The following TTC7B variants were observed in gnomAD, a reference collection of about 807,000 sequenced individuals.
The protein encoded by TTC7B is tetratricopeptide repeat domain 7B, also known as tetratricopeptide repeat protein 7B.
Under a neutral mutation model 106.8 loss-of-function variants are expected in TTC7B, and 28 were observed. That is an observed-to-expected ratio of 0.26 (90% CI 0.19 to 0.36). The LOEUF is 0.36. TTC7B is among the 10% of genes least tolerant of loss of function. The probability of loss-of-function intolerance (pLI) is 1.00; values close to 1 mark genes in which losing one functional copy is unlikely to be tolerated. For missense variants in TTC7B, 862 were observed against 1,076.4 expected (o/e 0.80, Z 2.79); for synonymous variants, 405 against 430.6 (o/e 0.94, Z 0.74).
chr14:90,692,524 C>T (rs145909765), intron 6 of TTC7B, among the ~76,000 whole-genome samples: 46 of 152,292 alleles, frequency 3.0e-4, no homozygotes, highest in South Asian at 1.0e-3. Context: ...AACTTTCTAA[C>T]GTCCAATGTA....
At chr14:90,691,618 G>C (rs1456555642) in intron 6 of TTC7B, among the ~76,000 whole-genome samples, 1 of 152,118 alleles carries the variant, frequency 6.6e-6, no homozygotes, top group African/African-American at 2.4e-5. Flanking sequence ...GTGGGAAGTG[G>C]GCCTGAAATA....
chr14:90,646,928 T>G (rs960424395), intron 14 of TTC7B, 23 bp downstream of exon 14: 3 of 1,602,924 alleles, frequency 1.9e-6, no homozygotes, highest in African/African-American at 1.3e-5. Context: ...GCAGCAAGTA[T>G]AGGAAACATT....
chr14:90,553,442 C>T (rs540463726), intron 19 of TTC7B, among the ~76,000 whole-genome samples: 12 of 152,348 alleles, frequency 7.9e-5, no homozygotes, highest in East Asian at 1.9e-4. Flanking sequence ...CTCGGCTCTC[C>T]GATGCACAGC....
rs906946655 is a variant in TTC7B at position 90,742,110 on chromosome 14, A to G, written c.576+2682T>C. Among the ~76,000 whole-genome samples the G allele has an allele frequency of 2.0e-5, 3 of 152,006 alleles. No individual in the cohort carries two copies. The highest frequency in any genetic ancestry group is 6.6e-5 in the Admixed American group (1 of 15,246). ...TTTTTAAGTGCAGTGGTACAATCAT[A>G]GCTCACTGCAACCTCGAACTTCTGG... On this transcript the variant is annotated intron_variant, in intron 4 of 19. Transcript: ENST00000328459. The surrounding 1 kb of genome is among the most constrained non-coding windows in gnomAD (Gnocchi z 4.1).
At position 90,531,606 on chromosome 14, in the gene TTC7B, C is replaced by A. The variant is rs573540338; in HGVS notation, c.*9762G>T. 1 of 126,702 alleles carries A rather than the reference C, an allele frequency of 7.9e-6. No homozygotes were observed. Among genetic ancestry groups the A allele is most frequent in the Non-Finnish European group, 1.6e-5 (1 of 64,168 alleles). The allele number at this position is 126,702 out of a possible 1,614,324, so 7.8% of individuals were successfully genotyped here. On this transcript the variant is annotated 3_prime_UTR_variant, in exon 20 of 20. Transcript: ENST00000328459. ...TGCGCTCCAGCCTGGACAACAAGAG[C>A]GAAACTCCTTCTCAAAAAAAAAAAA...
At chr14:90,603,814 T>G (rs1012231254) in intron 17 of TTC7B, among the ~76,000 whole-genome samples, 4 of 152,180 alleles carry the variant, frequency 2.6e-5, no homozygotes, top group Non-Finnish European at 5.9e-5. Context: ...AATTCTGCAT[T>G]TGTCAGTATG....
intron 2 of TTC7B, among the ~76,000 whole-genome samples, chr14:90,781,734 C>T (rs1401509178): frequency 6.6e-6 from 1 of 152,042 alleles, no homozygotes; most frequent in Non-Finnish European, 1.5e-5. Context: ...CTCACTGAGC[C>T]ATTGAAGTTT....
At chr14:90,590,567 G>A (rs1891913028) in intron 18 of TTC7B, among the ~76,000 whole-genome samples, 1 of 152,188 alleles carries the variant, frequency 6.6e-6, no homozygotes, top group African/African-American at 2.4e-5. Context: ...TGGCAGTATT[G>A]TGGGAGCTGA....
chr14:90,802,123 C>T lies in TTC7B; in HGVS notation c.121+14052G>A, dbSNP rs2030312014. Among the ~76,000 whole-genome samples the T allele has an allele frequency of 6.6e-6, 1 of 151,824 alleles. No individual in the cohort carries two copies. Among genetic ancestry groups the T allele is most frequent in the Admixed American group, 6.6e-5 (1 of 15,222 alleles). ...AGCTGGAACATCAAGTGTAAGATCA[C>T]AGACTAGCCATTAGACCTGGCAGCA... On this transcript the variant is annotated intron_variant, in intron 1 of 19. Transcript: ENST00000328459. This position sits in a 1 kb window ranked among gnomAD's most constrained non-coding sequence, Gnocchi z 4.7.
intron 18 of TTC7B, among the ~76,000 whole-genome samples, chr14:90,586,999 G>A (rs1172221263): frequency 6.6e-6 from 1 of 152,150 alleles, no homozygotes; most frequent in Non-Finnish European, 1.5e-5. Context: ...TGCCTCAGAA[G>A]GCATCTCAGG....
chr14:90,717,008 C>T (rs1033719405), intron 5 of TTC7B, among the ~76,000 whole-genome samples: 39 of 152,100 alleles, frequency 2.6e-4, no homozygotes, highest in African/African-American at 9.4e-4. Flanking sequence ...AATTCAAACC[C>T]AAAATACAGA....
intron 16 of TTC7B, among the ~76,000 whole-genome samples, chr14:90,611,271 A>G (rs553332934): frequency 6.6e-6 from 1 of 152,288 alleles, no homozygotes; most frequent in East Asian, 1.9e-4. Context: ...TCTAAAACCC[A>G]GGCTGCACGG....
intron 15 of TTC7B, among the ~76,000 whole-genome samples, chr14:90,630,395 C>G (rs1884641489): frequency 6.6e-6 from 1 of 152,136 alleles, no homozygotes; most frequent in African/African-American, 2.4e-5. Context: ...CAGAAGGGTC[C>G]CTTGTCATCT....
intron 15 of TTC7B, among the ~76,000 whole-genome samples, chr14:90,637,406 C>T (rs994135312): frequency 2.9e-3 from 6 of 2,050 alleles, no homozygotes; most frequent in Non-Finnish European, 5.9e-3. Flanking sequence ...AGAGAAAAAC[C>T]CCCCCCCAGC....
chr14:90,729,935 T>A, intron 5 of TTC7B, 140 bp downstream of exon 5: 1 of 827,824 alleles, frequency 1.2e-6, no homozygotes, highest in Admixed American at 3.9e-5. Context: ...CAATGTTCAT[T>A]CTTTAAAAGA....
intron 9 of TTC7B, among the ~76,000 whole-genome samples, chr14:90,667,643 C>T (rs753455823): frequency 6.6e-6 from 1 of 152,112 alleles, no homozygotes; most frequent in African/African-American, 2.4e-5. Context: ...TACCTACATG[C>T]TATTCTTGGT....
rs1162656899 is a variant in TTC7B, at chr14:90,624,802, T to C, written c.1752-6757A>G. Among the ~76,000 whole-genome samples, 3 of 152,238 alleles carry C rather than the reference T, an allele frequency of 2.0e-5. No homozygotes were observed. Among genetic ancestry groups the C allele is most frequent in the Non-Finnish European group, 4.4e-5 (3 of 68,044 alleles). On this transcript the variant is annotated intron_variant, in intron 15 of 19. Transcript: ENST00000328459. This position sits in a 1 kb window ranked among gnomAD's most constrained non-coding sequence, Gnocchi z 4.0. Reference sequence around the variant, plus strand: ...AATGCTGCAGTCTTAGTAACTGCTTTAGAGGTAACATCACGGGAACCTTGA... The same window carrying C: ...AATGCTGCAGTCTTAGTAACTGCTTCAGAGGTAACATCACGGGAACCTTGA...
At chr14:90,706,821 G>A (rs1040725507) in intron 5 of TTC7B, among the ~76,000 whole-genome samples, 2 of 152,090 alleles carry the variant, frequency 1.3e-5, no homozygotes, top group African/African-American at 2.4e-5. Flanking sequence ...TAGGAGCTAG[G>A]GATGTTCACT....
At chr14:90,713,102 C>T (rs1352725758) in intron 5 of TTC7B, among the ~76,000 whole-genome samples, 2 of 152,268 alleles carry the variant, frequency 1.3e-5, no homozygotes, top group Middle Eastern at 3.4e-3. Context: ...AGACATTTCA[C>T]CACAGAGGAA....
Sources: allele counts gnomAD v4.1 joint callset (sites outside exome capture counted in the v4.1 genomes callset), GRCh38; gene constraint gnomAD v4.1.1; non-coding constraint Gnocchi (gnomAD v3.1); transcripts MANE v1.5; gene names NCBI Gene and HGNC (gene_info 2026-07-23, HGNC 2026-07-21).